Variants in CDK14 observed in about 807,000 individuals in gnomAD.
CDK14 encodes cyclin dependent kinase 14.
In CDK14, 34 loss-of-function variants were observed where a neutral mutation model predicts 60.7. The ratio of observed to expected loss-of-function variants is 0.56; its 90% confidence interval spans 0.43 to 0.75. CDK14 has a LOEUF of 0.75. CDK14 is among the 30% of genes least tolerant of loss of function. CDK14 has a pLI of 0.00. For synonymous variants in CDK14, 197 were observed against 203.7 expected, an observed-to-expected ratio of 0.97 and a Z score of 0.28; for missense variants, 482 against 564.1, an observed-to-expected ratio of 0.85 and a Z score of 1.47.
In CDK14 at chr7:91,091,501, T is replaced by TTATA. The variant is rs56670195; in HGVS notation, c.1154+12034_1154+12037dup. 1.1e-3 allele frequency among the ~76,000 whole-genome samples: 97 copies of TTATA among 88,988 alleles called. 12 individuals are homozygous for TTATA. The highest frequency in any genetic ancestry group is 3.6e-3 in the African/African-American group (82 of 23,030). The allele number at this position is 88,988 out of a possible 152,430, so 58.4% of individuals were successfully genotyped here. On this transcript the variant is annotated intron_variant, in intron 12 of 14. Transcript: ENST00000380050. ...TATATGTATATGTAGTTTATATATT[T>TTATA]TATATATATATATATAAATTAGCCA... is the stretch of plus-strand genomic sequence containing the variant.
At chr7:90,684,625 A>G (rs1801391798) in intron 2 of CDK14, among the ~76,000 whole-genome samples, 1 of 152,156 alleles carries the variant, frequency 6.6e-6, no homozygotes, top group Non-Finnish European at 1.5e-5. Context: ...CACCCTCCAT[A>G]TAGGTAAACA....
chr7:90,857,746 T>C (rs1411038548), intron 5 of CDK14, among the ~76,000 whole-genome samples: 1 of 152,226 alleles, frequency 6.6e-6, no homozygotes, highest in East Asian at 1.9e-4. Flanking sequence ...TTGTAGGTGT[T>C]AATCTCTGGA....
intron 14 of CDK14, among the ~76,000 whole-genome samples, chr7:91,201,116 A>G (rs977669035): frequency 2.0e-5 from 3 of 152,168 alleles, no homozygotes; most frequent in South Asian, 2.1e-4. Context: ...TTTGAATTCT[A>G]CATTTGAGAA....
intron 14 of CDK14, among the ~76,000 whole-genome samples, chr7:91,118,428 A>G (rs1349089831): frequency 6.6e-6 from 1 of 152,142 alleles, no homozygotes; most frequent in Non-Finnish European, 1.5e-5. Flanking sequence ...GCTTTTATTT[A>G]TGTAGTCATA....
At chr7:91,130,677 G>T (rs924844766) in intron 14 of CDK14, among the ~76,000 whole-genome samples, 1 of 152,004 alleles carries the variant, frequency 6.6e-6, no homozygotes, top group Non-Finnish European at 1.5e-5. Context: ...CTATTCTTGT[G>T]TTCACACAGG....
chr7:91,091,363 TAC>T (rs1487618920), intron 12 of CDK14, among the ~76,000 whole-genome samples: 1 of 144,854 alleles, frequency 6.9e-6, no homozygotes, highest in Admixed American at 7.0e-5. Context: ...AAATTATATA[TAC>T]ATATATACAT....
chr7:91,171,525 A>G (rs1801518519), intron 14 of CDK14, among the ~76,000 whole-genome samples: 2 of 152,214 alleles, frequency 1.3e-5, no homozygotes, highest in African/African-American at 4.8e-5. Flanking sequence ...TTAAAATGTA[A>G]GCACATAAAA....
intron 8 of CDK14, among the ~76,000 whole-genome samples, chr7:90,926,097 T>C (rs533321853): frequency 4.2e-4 from 64 of 152,316 alleles, no homozygotes; most frequent in South Asian, 8.3e-4. Flanking sequence ...CCAGTGTCTT[T>C]AGAGCCCCAG....
chr7:90,693,194 CT>C, intron 2 of CDK14, among the ~76,000 whole-genome samples: 1 of 152,220 alleles, frequency 6.6e-6, no homozygotes, highest in South Asian at 2.1e-4. Flanking sequence ...AATGAGAATA[CT>C]TCTGTGGAAT....
chr7:90,750,195 CA>C (rs1562752209), intron 4 of CDK14, among the ~76,000 whole-genome samples: 13 of 77,232 alleles, frequency 1.7e-4, no homozygotes, highest in East Asian at 5.4e-4. Flanking sequence ...CACACACACA[CA>C]CACACCAATA....
At chr7:91,185,507 A>G (rs1397647797) in intron 14 of CDK14, among the ~76,000 whole-genome samples, 2 of 152,098 alleles carry the variant, frequency 1.3e-5, no homozygotes, top group East Asian at 3.9e-4. Flanking sequence ...CCATTAGTAC[A>G]TATTCCTATA....
At chr7:91,071,194 T>C (rs543337604) in intron 11 of CDK14, among the ~76,000 whole-genome samples, 1 of 152,340 alleles carries the variant, frequency 6.6e-6, no homozygotes, top group South Asian at 2.1e-4. Context: ...AGGGTCTTTT[T>C]CTTTAAGCAA....
intron 11 of CDK14, among the ~76,000 whole-genome samples, chr7:91,058,219 G>C (rs1226833611): frequency 9.2e-5 from 14 of 151,680 alleles, no homozygotes; most frequent in Admixed American, 5.9e-4. Context: ...TCTGTTGTTG[G>C]TGTATAAGAA....
intron 6 of CDK14, among the ~76,000 whole-genome samples, chr7:90,868,565 C>G (rs1435699772): frequency 6.6e-6 from 1 of 151,862 alleles, no homozygotes; most frequent in Non-Finnish European, 1.5e-5. Flanking sequence ...GTGCTATAAA[C>G]TAGTGAAATA....
intron 8 of CDK14, among the ~76,000 whole-genome samples, chr7:90,954,075 A>G (rs1399617402): frequency 6.6e-6 from 1 of 152,204 alleles, no homozygotes. Flanking sequence ...TATAATCTGT[A>G]CATTTTAATA....
chr7:90,639,401 C>G (rs1249596040), intron 2 of CDK14, among the ~76,000 whole-genome samples: 3 of 152,114 alleles, frequency 2.0e-5, no homozygotes, highest in Middle Eastern at 3.4e-3. Context: ...CACTCCAGAC[C>G]CTGTTTGCCT....
intron 2 of CDK14, among the ~76,000 whole-genome samples, chr7:90,691,914 GT>G (rs1297546082): frequency 2.0e-4 from 30 of 152,280 alleles, no homozygotes; most frequent in African/African-American, 7.2e-4. Context: ...CATAAGTGAG[GT>G]TTGGGAGTGC....
intron 14 of CDK14, among the ~76,000 whole-genome samples, chr7:91,173,414 T>G: frequency 6.8e-6 from 1 of 147,158 alleles, no homozygotes; most frequent in African/African-American, 2.5e-5. Context: ...GGCAAAAGAG[T>G]AAGACTGCAT....
intron 5 of CDK14, among the ~76,000 whole-genome samples, chr7:90,811,135 C>G (rs1216674918): frequency 6.6e-6 from 1 of 152,068 alleles, no homozygotes; most frequent in East Asian, 1.9e-4. Context: ...TTATGTGGAA[C>G]CAAAAAAGAG....
Sources: allele counts gnomAD v4.1 joint callset (sites outside exome capture counted in the v4.1 genomes callset), GRCh38; gene constraint gnomAD v4.1.1; transcripts MANE v1.5; gene names NCBI Gene and HGNC (gene_info 2026-07-23, HGNC 2026-07-21).